Variants in SLC13A4 observed in about 807,000 individuals in gnomAD.
SLC13A4 encodes the protein Na(+)/sulfate cotransporter SUT-1.
In SLC13A4, 28 loss-of-function variants were observed where a neutral mutation model predicts 72.7. The ratio of observed to expected loss-of-function variants is 0.39; its 90% CI spans 0.29 to 0.53. The LOEUF (loss-of-function observed/expected upper bound fraction) is 0.53. SLC13A4 is among the 20% of genes least tolerant of loss of function. The pLI, the probability that SLC13A4 is intolerant of heterozygous loss-of-function variation, is 0.78. For missense variants in SLC13A4, 653 were observed against 788.0 expected, an observed-to-expected ratio of 0.83 and a Z score of 2.05; for synonymous variants, 312 against 325.5, an observed-to-expected ratio of 0.96 and a Z score of 0.45.
In SLC13A4 at chr7:135,692,388, C is replaced by G. The variant is rs766269033; in HGVS notation, c.1158G>C (p.Leu386=). ...PEMVTGFFFI[L]MTVLWFTREP... is the part of the protein sequence containing the mutation. Reference sequence around the variant, plus strand: ...CCCGGGTAAACCACAGTACGGTCATCAGGATGAAGAAAAATCCAGTCACCA... The same window carrying G: ...CCCGGGTAAACCACAGTACGGTCATGAGGATGAAGAAAAATCCAGTCACCA... The change falls in exon 11 of 16, where the codon CTG becomes CTC. Residue 386 remains leucine, a synonymous_variant. Transcript: ENST00000682651. 18 of 1,613,500 alleles carry G rather than the reference C, an allele frequency of 1.1e-5. No individual in the cohort carries two copies. Among genetic ancestry groups the G allele is most frequent in the Non-Finnish European group, 1.5e-5 (18 of 1,179,900 alleles).
At chr7:135,703,804 G>A (rs1455941963) in intron 5 of SLC13A4, 3 of 152,298 alleles carry the variant, frequency 2.0e-5, no homozygotes, top group Admixed American at 1.3e-4. Context: ...AGGATAAGAA[G>A]CTGACAGGCG....
chr7:135,699,225 C>T, intron 8 of SLC13A4, 139 bp downstream of exon 8: 1 of 857,720 alleles, frequency 1.2e-6, no homozygotes, highest in Non-Finnish European at 1.7e-6. Flanking sequence ...CAGATATGAG[C>T]CACTGTGCTC....
Position 135,727,473 on chromosome 7 carries a change from GAGCAGGCCCTGC to G in SLC13A4, c.12_23del (p.Gln5_Leu8del). On this transcript the variant is annotated inframe_deletion, in exon 1 of 16. Transcript: ENST00000682651. Reference sequence around the variant, plus strand: ...CGACCAGCAGCAGCTTCCGGACTCGGAGCAGGCCCTGCAGCAGGCCCATCGCGCCTCTGTCCT... The same window carrying G: ...CGACCAGCAGCAGCTTCCGGACTCGGAGCAGGCCCATCGCGCCTCTGTCCT... 1 of 1,550,440 alleles carries G rather than the reference GAGCAGGCCCTGC, an allele frequency of 6.4e-7. No homozygotes were observed. Among genetic ancestry groups the G allele is most frequent in the Non-Finnish European group, 8.7e-7 (1 of 1,146,858 alleles).
At position 135,687,446 on chromosome 7, in the gene SLC13A4, C is replaced by T. The variant is rs77199928; in HGVS notation, c.1447-1763G>A. On this transcript the variant is annotated intron_variant, in intron 13 of 15. Transcript: ENST00000682651. The stretch of plus-strand genomic sequence containing the variant: ...CTCTCTTCCAAATTCATCAAAAGCT[C>T]ATTTCATCTCTACAGTACCCTGGCC... Among the ~76,000 whole-genome samples, 558 of 152,352 alleles carry T rather than the reference C, an allele frequency of 3.7e-3. 1 individual carries two copies. Among genetic ancestry groups the T allele is most frequent in the African/African-American group, 0.013 (534 of 41,580 alleles).
Position 135,727,609 on chromosome 7 carries a change from G to A in SLC13A4, c.-113C>T. ...ACTTCTTAAACCTTTCTTGGCTTCCGAGAGTCCTCCTTCGTCTTGGGGGCA... is the reference window on the plus strand; with the variant it reads ...ACTTCTTAAACCTTTCTTGGCTTCCAAGAGTCCTCCTTCGTCTTGGGGGCA... On this transcript the variant is annotated 5_prime_UTR_variant, in exon 1 of 16. Transcript: ENST00000682651. 3 of 1,330,836 alleles carry A rather than the reference G, an allele frequency of 2.3e-6. No homozygotes were observed. The highest frequency in any genetic ancestry group is 1.6e-5 in the South Asian group (1 of 63,802). The allele number at this position is 1,330,836 out of a possible 1,614,324, so 82.4% of individuals were successfully genotyped here. A position where few individuals can be genotyped will look rare whatever the true frequency, so the allele number is the denominator to read the frequency against.
intron 1 of SLC13A4, 139 bp from the exon 2 acceptor site, chr7:135,721,662 C>G (rs1464614511): frequency 9.7e-7 from 1 of 1,030,824 alleles, no homozygotes; most frequent in African/African-American, 1.6e-5. Flanking sequence ...CGAAACCGAA[C>G]TGGCAGGCGA....
intron 2 of SLC13A4, among the ~76,000 whole-genome samples, chr7:135,718,487 A>T (rs1167534398): frequency 6.6e-6 from 1 of 152,116 alleles, no homozygotes; most frequent in Non-Finnish European, 1.5e-5. Context: ...ATAGACATAG[A>T]CATTGTACAT....
intron 7 of SLC13A4, 56 bp from the exon 8 acceptor site, chr7:135,699,604 G>T: frequency 6.7e-7 from 1 of 1,489,640 alleles, no homozygotes; most frequent in Non-Finnish European, 9.1e-7. Flanking sequence ...TCTGGCCGAA[G>T]CATGAGAGGC....
intron 15 of SLC13A4, chr7:135,683,635 A>G (rs1795556368): frequency 1.0e-6 from 1 of 985,242 alleles, no homozygotes; most frequent in East Asian, 1.1e-4. Context: ...TGGACGCTTC[A>G]TTTTCCATTG....
intron 4 of SLC13A4, 53 bp from the exon 5 acceptor site, chr7:135,705,703 C>T (rs924207617): frequency 1.2e-5 from 18 of 1,548,590 alleles, no homozygotes; most frequent in African/African-American, 2.7e-5. Flanking sequence ...GGGGCTGACC[C>T]TGTGGGTTGG....
intron 8 of SLC13A4, among the ~76,000 whole-genome samples, chr7:135,697,504 C>T (rs1344103261): frequency 6.6e-6 from 1 of 152,176 alleles, no homozygotes; most frequent in African/African-American, 2.4e-5. Context: ...GTCAGCCAAG[C>T]CACCGGCTGC....
intron 10 of SLC13A4, chr7:135,693,070 C>T (rs1005815690): frequency 4.1e-5 from 5 of 121,044 alleles, no homozygotes; most frequent in African/African-American, 1.6e-4. Flanking sequence ...CACTGCACTC[C>T]AGACTGGGCA....
At chr7:135,717,050 A>G (rs929591307) in intron 2 of SLC13A4, among the ~76,000 whole-genome samples, 1 of 152,190 alleles carries the variant, frequency 6.6e-6, no homozygotes, top group East Asian at 1.9e-4. Context: ...CTGCCACCGT[A>G]CATTAGCACC....
chr7:135,721,233 G>C (rs111965662), intron 2 of SLC13A4, among the ~76,000 whole-genome samples, 162 bp downstream of exon 2: 2 of 152,330 alleles, frequency 1.3e-5, no homozygotes, highest in African/African-American at 2.4e-5. Context: ...GGAATTCAGG[G>C]TCTAGAACTG....
At chr7:135,726,168 A>G (rs908352396) in intron 1 of SLC13A4, among the ~76,000 whole-genome samples, 1 of 152,016 alleles carries the variant, frequency 6.6e-6, no homozygotes, top group Non-Finnish European at 1.5e-5. Context: ...AGCAACCTAC[A>G]TGGAGAAAAA....
intron 2 of SLC13A4, among the ~76,000 whole-genome samples, chr7:135,715,383 GTGTA>G (rs1648514779): frequency 6.7e-6 from 1 of 148,448 alleles, no homozygotes; most frequent in Non-Finnish European, 1.5e-5. Flanking sequence ...GTGTGTGAGT[GTGTA>G]TGTGTGAACA....
In SLC13A4 at chr7:135,715,560, G is replaced by T. The variant is rs1003679469; in HGVS notation, c.228+5835C>A. On this transcript the variant is annotated intron_variant, in intron 2 of 15. Coordinates refer to ENST00000682651, the MANE Select transcript of SLC13A4 (RefSeq NM_001318192.2). ...GTGTGTGTGCTGGGGAAAGGATAGA[G>T]ACAAAGAGCACATGCAATTACTTCC... 5.3e-5 allele frequency among the ~76,000 whole-genome samples: 8 copies of T among 151,986 alleles called. No homozygotes were observed. In the East Asian group the frequency reaches 1.2e-3, roughly 22 times the overall value.
intron 15 of SLC13A4, chr7:135,683,327 A>ATT: frequency 5.8e-6 from 3 of 520,446 alleles, no homozygotes; most frequent in Non-Finnish European, 7.3e-6. Context: ...AAAAAAAAGG[A>ATT]TAAAAAAGGA....
At chr7:135,697,681 C>A (rs928944799) in intron 8 of SLC13A4, among the ~76,000 whole-genome samples, 1 of 151,526 alleles carries the variant, frequency 6.6e-6, no homozygotes, top group Middle Eastern at 3.4e-3. Flanking sequence ...AAAAGCATCT[C>A]AGAGCCTTTC....
Sources: gnomAD v4.1 joint callset for allele counts (sites outside exome capture counted in the v4.1 genomes callset) on GRCh38, gnomAD v4.1.1 for gene constraint, MANE v1.5 for transcripts, NCBI Gene and HGNC (gene_info 2026-07-23, HGNC 2026-07-21) for gene names.